PIEZO2: variants seen among roughly 807,000 people sequenced by gnomAD.
PIEZO2 encodes the protein piezo-type mechanosensitive ion channel component 2.
In PIEZO2, 172 loss-of-function variants were observed where a neutral mutation model predicts 337.3. The observed-to-expected ratio is 0.51, with a 90% CI of 0.45 to 0.58. The LOEUF is 0.58. Ranked by LOEUF, PIEZO2 falls within the 20% of genes least tolerant of loss-of-function variation. The pLI is 0.00. For missense variants in PIEZO2, 3,028 were observed against 3,391.3 expected (o/e 0.89, Z 2.66); for synonymous variants, 1,251 against 1,228.5 (o/e 1.02, Z -0.38).
chr18:11,147,916 G>A (rs763502214), intron 1 of PIEZO2, among the ~76,000 whole-genome samples: 57 of 152,368 alleles, frequency 3.7e-4, no homozygotes, highest in Non-Finnish European at 5.6e-4. Context: ...GGGACTAGGT[G>A]TTGGGGGTCT....
chr18:10,879,482 G>A (rs564396738), intron 4 of PIEZO2, among the ~76,000 whole-genome samples: 16 of 132,978 alleles, frequency 1.2e-4, no homozygotes, highest in Admixed American at 3.7e-4. Flanking sequence ...TGCAAGCTCC[G>A]CCTCCCGGGT....
chr18:10,848,661 G>C (rs1342723673), intron 7 of PIEZO2, among the ~76,000 whole-genome samples: 1 of 152,140 alleles, frequency 6.6e-6, no homozygotes, highest in Admixed American at 6.5e-5. Flanking sequence ...AAACAAGTCC[G>C]ACCCCTGCAG....
intron 3 of PIEZO2, among the ~76,000 whole-genome samples, chr18:10,931,192 T>C (rs905371055): frequency 6.6e-6 from 1 of 150,756 alleles, no homozygotes; most frequent in Non-Finnish European, 1.5e-5. Flanking sequence ...AATTTTATTG[T>C]ATTTATTTAT....
At position 10,767,242 on chromosome 18, in the gene PIEZO2, A is replaced by C. The variant is rs1260422138; in HGVS notation, c.2946+2906T>G. The stretch of plus-strand genomic sequence containing the variant: ...TTCCAAAGCAGTGTCACTCCTGAAT[A>C]AGATGCTGATGGAAAATAAAGGTTT... On this transcript the variant is annotated intron_variant, in intron 21 of 55. Transcript: ENST00000674853. This position sits in a 1 kb window ranked among gnomAD's most constrained non-coding sequence, Gnocchi z 4.2. Among the ~76,000 whole-genome samples the C allele has an allele frequency of 2.6e-5, 4 of 152,206 alleles. No homozygotes were observed. The highest frequency in any genetic ancestry group is 5.9e-5 in the Non-Finnish European group (4 of 68,042).
intron 2 of PIEZO2, among the ~76,000 whole-genome samples, chr18:11,051,031 G>T (rs1171597846): frequency 6.6e-6 from 1 of 152,170 alleles, no homozygotes; most frequent in African/African-American, 2.4e-5. Context: ...GCAGTGTGCA[G>T]TTCTGTTATT....
intron 17 of PIEZO2, among the ~76,000 whole-genome samples, chr18:10,782,868 G>A (rs1219109959): frequency 6.6e-6 from 1 of 152,142 alleles, no homozygotes; most frequent in Non-Finnish European, 1.5e-5. Context: ...AGGGAATTCT[G>A]TGGGACCTTA....
In PIEZO2 at chr18:10,716,561, A is replaced by G. The variant is rs1332444822; in HGVS notation, c.5090-745T>C. On this transcript the variant is annotated intron_variant, in intron 37 of 55. Coordinates refer to ENST00000674853, the MANE Select transcript of PIEZO2 (RefSeq NM_001378183.1). This position sits in a 1 kb window ranked among gnomAD's most constrained non-coding sequence, Gnocchi z 4.1. ...TATCTTTTGCTGAGCAAGGAGGCAC[A>G]GGAAGAGAACGGCCGCTGCTTGAAG... 1.3e-5 allele frequency among the ~76,000 whole-genome samples: 2 copies of G among 152,226 alleles called. No homozygotes were observed. Among genetic ancestry groups the G allele is most frequent in the African/African-American group, 4.8e-5 (2 of 41,458 alleles).
chr18:10,695,875 A>G (rs2035057989), intron 47 of PIEZO2, among the ~76,000 whole-genome samples, 199 bp downstream of exon 47: 1 of 152,218 alleles, frequency 6.6e-6, no homozygotes, highest in Admixed American at 6.5e-5. Flanking sequence ...TGTAATTAAA[A>G]TATTTTTGAG....
At chr18:11,055,835 C>T (rs1476872999) in intron 2 of PIEZO2, among the ~76,000 whole-genome samples, 4 of 152,142 alleles carry the variant, frequency 2.6e-5, no homozygotes, top group Admixed American at 2.0e-4. Context: ...GTGTGTGCAC[C>T]CTTCCCCGTT....
At chr18:10,832,582 A>G (rs77122807) in intron 7 of PIEZO2, among the ~76,000 whole-genome samples, 3,919 of 152,290 alleles carry the variant, frequency 0.026, 176 homozygotes, top group African/African-American at 0.09. Context: ...TGGGAGGGGT[A>G]CTTTGTCTAC....
intron 36 of PIEZO2, among the ~76,000 whole-genome samples, chr18:10,731,177 TTATA>T (rs60508630): frequency 0.039 from 1,354 of 34,814 alleles, 12 homozygotes; most frequent in Non-Finnish European, 0.051. Context: ...ACTTAAAAGA[TTATA>T]TATATATATA....
chr18:10,675,639 G>A lies in PIEZO2; in HGVS notation c.8082-351C>T, dbSNP rs536578017. Among the ~76,000 whole-genome samples, 127 of 152,096 alleles carry A rather than the reference G, an allele frequency of 8.3e-4. 1 individual carries two copies. Among genetic ancestry groups the A allele is most frequent in the Non-Finnish European group, 1.4e-3 (98 of 68,016 alleles). On this transcript the variant is annotated intron_variant, in intron 53 of 55. Coordinates refer to ENST00000674853, the MANE Select transcript of PIEZO2 (RefSeq NM_001378183.1). ...AATTCTTATCCATACCATTAAGCAC[G>A]CTTCAAATTTTAATTTTTAGATTTT...
chr18:11,125,928 G>A lies in PIEZO2; in HGVS notation c.64+22597C>T, dbSNP rs1024274737. 6.6e-6 allele frequency among the ~76,000 whole-genome samples: 1 copy of A among 152,206 alleles called. No individual in the cohort carries two copies. Among genetic ancestry groups the A allele is most frequent in the South Asian group, 2.1e-4 (1 of 4,824 alleles). On this transcript the variant is annotated intron_variant, in intron 1 of 55. Coordinates refer to ENST00000674853, the MANE Select transcript of PIEZO2 (RefSeq NM_001378183.1). This position sits in a 1 kb window ranked among gnomAD's most constrained non-coding sequence, Gnocchi z 4.4. ...TGCCAGGGCAGCTCTAGTGCCCAAC[G>A]GTAGAGGAAGAATGGTGCCTACCAT...
intron 47 of PIEZO2, among the ~76,000 whole-genome samples, chr18:10,691,782 C>CACACACATATATATATATAT: frequency 4.1e-5 from 4 of 96,642 alleles, no homozygotes; most frequent in African/African-American, 1.9e-4. Flanking sequence ...CACACACACA[C>CACACACATATATATATATAT]ATATATATAT....
At chr18:11,140,717 T>A (rs949990026) in intron 1 of PIEZO2, among the ~76,000 whole-genome samples, 1 of 152,206 alleles carries the variant, frequency 6.6e-6, no homozygotes, top group Non-Finnish European at 1.5e-5. Context: ...CATGCTAATA[T>A]CCACTCTCTG....
rs2040267457 is a variant in PIEZO2, at chr18:10,813,688, T to C, written c.918-6414A>G. On this transcript the variant is annotated intron_variant, in intron 7 of 55. Coordinates refer to ENST00000674853, the MANE Select transcript of PIEZO2 (RefSeq NM_001378183.1). The surrounding 1 kb of genome is among the most constrained non-coding windows in gnomAD (Gnocchi z 4.2). ...TTCTGACTATTGTTCATAACGCTGT[T>C]ATGAACATGGGTGAACAAATATCTC... Among the ~76,000 whole-genome samples, 1 of 152,212 alleles carries C rather than the reference T, an allele frequency of 6.6e-6. No individual in the cohort carries two copies. Among genetic ancestry groups the C allele is most frequent in the Non-Finnish European group, 1.5e-5 (1 of 68,044 alleles).
intron 47 of PIEZO2, among the ~76,000 whole-genome samples, chr18:10,695,738 C>T (rs987845135): frequency 6.6e-6 from 1 of 152,162 alleles, no homozygotes; most frequent in Non-Finnish European, 1.5e-5. Flanking sequence ...GACCATATTC[C>T]ACTTTACCTC....
At chr18:10,721,218 T>G (rs1252265821) in intron 36 of PIEZO2, among the ~76,000 whole-genome samples, 1 of 152,198 alleles carries the variant, frequency 6.6e-6, no homozygotes. Flanking sequence ...TATTTGCTCC[T>G]CTGTAGAGCA....
At chr18:11,004,229 G>T (rs1444647876) in intron 2 of PIEZO2, among the ~76,000 whole-genome samples, 1 of 152,178 alleles carries the variant, frequency 6.6e-6, no homozygotes, top group South Asian at 2.1e-4. Context: ...AGTCCCCCTG[G>T]ATGGAAATAC....
Sources: gnomAD v4.1 joint callset for allele counts (sites outside exome capture counted in the v4.1 genomes callset) on GRCh38, gnomAD v4.1.1 for gene constraint, Gnocchi (gnomAD v3.1) non-coding constraint, MANE v1.5 for transcripts, NCBI Gene and HGNC (gene_info 2026-07-23, HGNC 2026-07-21) for gene names.